Variants in ANKRD13B observed in about 807,000 individuals in gnomAD.
The protein encoded by ANKRD13B is ankyrin repeat domain 13B, also known as ankyrin repeat domain-containing protein 13B.
ANKRD13B carries 33 observed loss-of-function variants against 74.4 expected under a neutral mutation model. The observed-to-expected ratio is 0.44, with a 90% confidence interval of 0.34 to 0.59. The LOEUF is 0.59. Among genes scored for constraint, ANKRD13B ranks in the 20% least tolerant of loss-of-function variants. The probability of loss-of-function intolerance (pLI) is 0.02; values close to 1 mark genes in which losing one functional copy is unlikely to be tolerated. For missense variants in ANKRD13B, 676 were observed against 877.9 expected (o/e 0.77, Z 2.91); for synonymous variants, 341 against 362.9 (o/e 0.94, Z 0.68).
At chr17:29,596,984 T>G (rs1010447865) in intron 1 of ANKRD13B, among the ~76,000 whole-genome samples, 1 of 152,176 alleles carries the variant, frequency 6.6e-6, no homozygotes, top group Non-Finnish European at 1.5e-5. Flanking sequence ...GGATGCATCC[T>G]GCCTCCCTCC....
chr17:29,604,700 C>A (rs551462827), intron 1 of ANKRD13B, among the ~76,000 whole-genome samples: 1 of 151,882 alleles, frequency 6.6e-6, no homozygotes, highest in South Asian at 2.1e-4. Flanking sequence ...CATCACCAAG[C>A]CCGGCTAATT....
rs374614115 is a variant in ANKRD13B, at chr17:29,612,844, G to A, written c.1575+29G>A. 7.3e-4 allele frequency: 1,162 copies of A among 1,600,024 alleles called. 8 individuals are homozygous for A. In the African/African-American group the frequency reaches 0.013, roughly 18 times the overall value. On this transcript the variant is annotated intron_variant, in intron 13 of 14. Coordinates refer to ENST00000394859, the MANE Select transcript of ANKRD13B (RefSeq NM_152345.5). This position sits in a 1 kb window ranked among gnomAD's most constrained non-coding sequence, Gnocchi z 6.1. ...CGTCTCCGCGGGCGCGCGGGGCCAC[G>A]GGACTCCGCGCCGCCACGGCTAACG...
rs759989180 is a variant in ANKRD13B at position 29,611,684 on chromosome 17, A to G, written c.969+41A>G. The G allele has an allele frequency of 4.4e-6, 7 of 1,608,236 alleles. No individual in the cohort carries two copies. Among genetic ancestry groups the G allele is most frequent in the Non-Finnish European group, 5.1e-6 (6 of 1,174,810 alleles). ...GGTACCCGTAAGTGGAGGGATGTGG[A>G]TGTGGCTCAGGAGGAGGCTTGGGAA... On this transcript the variant is annotated intron_variant, in intron 9 of 14. Transcript: ENST00000394859. The surrounding 1 kb of genome is among the most constrained non-coding windows in gnomAD (Gnocchi z 4.3).
At chr17:29,606,014 G>A (rs554324552) in intron 1 of ANKRD13B, among the ~76,000 whole-genome samples, 27 of 152,014 alleles carry the variant, frequency 1.8e-4, no homozygotes, top group Middle Eastern at 6.8e-3. Context: ...CCGGGTTCAA[G>A]CGGTTCTCTT....
At position 29,610,778 on chromosome 17, in the gene ANKRD13B, G is replaced by A; in HGVS notation, c.904+12G>A. ...GGGCAAGGTCAAAGGTAATGAGGCAGAGCTGGATGGGGAGAGGTGTTGCAG... is the reference window on the plus strand; with the variant it reads ...GGGCAAGGTCAAAGGTAATGAGGCAAAGCTGGATGGGGAGAGGTGTTGCAG... On this transcript the variant is annotated intron_variant, in intron 8 of 14. Coordinates refer to ENST00000394859, the MANE Select transcript of ANKRD13B (RefSeq NM_152345.5). The A allele has an allele frequency of 6.2e-7, 1 of 1,613,408 alleles. No homozygotes were observed. Among genetic ancestry groups the A allele is most frequent in the Non-Finnish European group, 8.5e-7 (1 of 1,179,584 alleles).
chr17:29,593,821 C>G (rs2033852162), intron 1 of ANKRD13B, 86 bp downstream of exon 1: 4 of 732,126 alleles, frequency 5.5e-6, no homozygotes, highest in Non-Finnish European at 7.4e-6. Flanking sequence ...CGGGCTGTCC[C>G]GCCTCCCTGG....
rs748067463 is a variant in ANKRD13B, at chr17:29,612,025, C to T, written c.1100+19C>T. The T allele has an allele frequency of 6.2e-7, 1 of 1,609,446 alleles. No homozygotes were observed. Among genetic ancestry groups the T allele is most frequent in the Non-Finnish European group, 8.5e-7 (1 of 1,177,414 alleles). ...CACAGAAGTGAGGCCCCTGCCGGTGCTGGGAAGGTGGGGGGCCGGGGCTCC... is the reference window on the plus strand; with the variant it reads ...CACAGAAGTGAGGCCCCTGCCGGTGTTGGGAAGGTGGGGGGCCGGGGCTCC... On this transcript the variant is annotated intron_variant, in intron 10 of 14. Coordinates refer to ENST00000394859, the MANE Select transcript of ANKRD13B (RefSeq NM_152345.5). The surrounding 1 kb of genome is among the most constrained non-coding windows in gnomAD (Gnocchi z 6.1).
In ANKRD13B at chr17:29,612,377, C is replaced by G; in HGVS notation, c.1259-25C>G. ...TGAGGTGTGAGGGGCTGAGTGGTGGCGCCTAAAGGTTTCCTCATCCTCAGA... is the reference window on the plus strand; with the variant it reads ...TGAGGTGTGAGGGGCTGAGTGGTGGGGCCTAAAGGTTTCCTCATCCTCAGA... On this transcript the variant is annotated intron_variant, in intron 11 of 14. Transcript: ENST00000394859. This position sits in a 1 kb window ranked among gnomAD's most constrained non-coding sequence, Gnocchi z 6.1. The G allele has an allele frequency of 6.2e-7, 1 of 1,612,210 alleles. No homozygotes were observed. The highest frequency in any genetic ancestry group is 8.5e-7 in the Non-Finnish European group (1 of 1,178,934).
At chr17:29,597,858 C>T (rs888891525) in intron 1 of ANKRD13B, among the ~76,000 whole-genome samples, 6 of 152,100 alleles carry the variant, frequency 3.9e-5, no homozygotes, top group African/African-American at 1.2e-4. Context: ...GAGCACCCTG[C>T]TTGCAAGGAA....
In ANKRD13B at chr17:29,607,794, C is replaced by G; in HGVS notation, c.167C>G (p.Thr56Ser). The G allele has an allele frequency of 6.2e-7, 1 of 1,603,572 alleles. No individual in the cohort carries two copies. Among genetic ancestry groups the G allele is most frequent in the Non-Finnish European group, 8.5e-7 (1 of 1,179,834 alleles). Residue 56 changes from threonine to serine, a missense_variant, in exon 2 of 15, where the codon ACC (threonine) becomes AGC (serine). Transcript: ENST00000394859. The part of the protein sequence containing the change: ...PRGRTPLHLA[T>S]TLGHLECARV... ...GGCCGGACTCCCCTGCACCTGGCCA[C>G]CACGCTGGGGCACCTTGAGTGTGCC...
At position 29,613,637 on chromosome 17, in the gene ANKRD13B, G is replaced by A; in HGVS notation, c.*55G>A. 7.2e-7 allele frequency: 1 copy of A among 1,385,654 alleles called. No homozygotes were observed. The highest frequency in any genetic ancestry group is 9.3e-7 in the Non-Finnish European group (1 of 1,073,444). 85.8% of individuals were successfully genotyped at this position (1,385,654 alleles called of 1,614,324 possible). A position where few individuals can be genotyped will look rare whatever the true frequency, so the allele number is the denominator to read the frequency against. ...ACGCGCGCCACGCCCAGGGCCAGGAGCCAGACAAACCCCGGCCTGCGCGCC... is the reference window on the plus strand; with the variant it reads ...ACGCGCGCCACGCCCAGGGCCAGGAACCAGACAAACCCCGGCCTGCGCGCC... On this transcript the variant is annotated 3_prime_UTR_variant, in exon 15 of 15. Transcript: ENST00000394859.
chr17:29,606,728 T>TAAAAAAAAA (rs370548766), intron 1 of ANKRD13B, among the ~76,000 whole-genome samples: 3 of 62,948 alleles, frequency 4.8e-5, no homozygotes, highest in Non-Finnish European at 8.6e-5. Flanking sequence ...CTGTCTCAAG[T>TAAAAAAAAA]AAAAAAAAAA....
rs1312291273 is a variant in ANKRD13B at position 29,608,877 on chromosome 17, A to G, written c.448A>G (p.Ser150Gly). ...WVPLVSKICP[S>G]DTYKVWKSGQ... Reference sequence around the variant, plus strand: ...GCCCCTGGTGTCCAAGATCTGCCCTAGTGACACCTACAAAGTGTGGAAGAG... The same window carrying G: ...GCCCCTGGTGTCCAAGATCTGCCCTGGTGACACCTACAAAGTGTGGAAGAG... Residue 150 changes from serine (S) to glycine (G), a missense_variant, in exon 5 of 15, where the codon AGT (serine) becomes GGT (glycine). Physicochemically the swap from Ser to Gly is moderately conservative, Grantham distance 56. Transcript: ENST00000394859. The surrounding 1 kb of genome is among the most constrained non-coding windows in gnomAD (Gnocchi z 6.4). 1 of 1,614,122 alleles carries G rather than the reference A, an allele frequency of 6.2e-7. No individual in the cohort carries two copies. Among genetic ancestry groups the G allele is most frequent in the Non-Finnish European group, 8.5e-7 (1 of 1,180,044 alleles).
chr17:29,600,682 C>T (rs1000841325), intron 1 of ANKRD13B, among the ~76,000 whole-genome samples: 3 of 152,218 alleles, frequency 2.0e-5, no homozygotes, highest in African/African-American at 7.2e-5. Context: ...GCTTCACCTC[C>T]ACCTCTGCCA....
chr17:29,613,793 G>T lies in ANKRD13B; in HGVS notation c.*211G>T, dbSNP rs1439883253. 9 of 708,616 alleles carry T rather than the reference G, an allele frequency of 1.3e-5. No individual in the cohort carries two copies. The highest frequency in any genetic ancestry group is 6.8e-5 in the East Asian group (2 of 29,368). 43.9% of individuals were successfully genotyped at this position (708,616 alleles called of 1,614,324 possible). A position where few individuals can be genotyped will look rare whatever the true frequency, so the allele number is the denominator to read the frequency against. ...CCAGGGCCCTGGAGGCAACTGGCACGGCCTGGTCCCCCTGCTTTGCTGTAT... is the reference window on the plus strand; with the variant it reads ...CCAGGGCCCTGGAGGCAACTGGCACTGCCTGGTCCCCCTGCTTTGCTGTAT... On this transcript the variant is annotated 3_prime_UTR_variant, in exon 15 of 15. Coordinates refer to ENST00000394859, the MANE Select transcript of ANKRD13B (RefSeq NM_152345.5).
intron 8 of ANKRD13B, among the ~76,000 whole-genome samples, 197 bp downstream of exon 8, chr17:29,610,963 A>C (rs2034561718): frequency 6.6e-6 from 1 of 152,080 alleles, no homozygotes; most frequent in Admixed American, 6.6e-5. Flanking sequence ...GTTTCTAAGG[A>C]CTCATCTGGG....
intron 1 of ANKRD13B, among the ~76,000 whole-genome samples, chr17:29,605,435 TACAC>T (rs992749295): frequency 1.4e-5 from 2 of 146,920 alleles, no homozygotes; most frequent in South Asian, 4.2e-4. Context: ...CACACACACA[TACAC>T]ACACACATAT....
In ANKRD13B at chr17:29,608,188, C is replaced by T. The variant is rs1165659650; in HGVS notation, c.376-7C>T. 1.9e-6 allele frequency: 3 copies of T among 1,614,210 alleles called. No homozygotes were observed. The Admixed American group carries it at 5.0e-5, about 27-fold the overall frequency. ...CAGACTTAGCCTCTCTCCCCTTCGT[C>T]CTCCAGGCCCAGGACTTCTACGTGG... is the stretch of plus-strand genomic sequence containing the variant. On this transcript the variant is annotated splice_region_variant and splice_polypyrimidine_tract_variant and intron_variant, in intron 3 of 14. Transcript: ENST00000394859. The surrounding 1 kb of genome is among the most constrained non-coding windows in gnomAD (Gnocchi z 6.4).
At chr17:29,600,012 G>GA (rs1456207343) in intron 1 of ANKRD13B, among the ~76,000 whole-genome samples, 1 of 151,448 alleles carries the variant, frequency 6.6e-6, no homozygotes, top group African/African-American at 2.4e-5. Context: ...GAGTAGCTGT[G>GA]ACTACAGGCG....
Sources: allele counts gnomAD v4.1 joint callset (sites outside exome capture counted in the v4.1 genomes callset), GRCh38; gene constraint gnomAD v4.1.1; non-coding constraint Gnocchi (gnomAD v3.1); transcripts MANE v1.5; gene names NCBI Gene and HGNC (gene_info 2026-07-23, HGNC 2026-07-21).